LMX1B: variants seen among roughly 807,000 people sequenced by gnomAD.
LMX1B encodes LIM homeobox transcription factor 1-beta.
A neutral mutation model predicts 51.4 loss-of-function variants in LMX1B; 12 were observed. That is an observed-to-expected ratio of 0.23 (90% CI 0.15 to 0.38). LMX1B has a LOEUF of 0.38. Ranked by LOEUF, LMX1B falls within the 10% of genes least tolerant of loss-of-function variation. LMX1B has a pLI of 1.00. For synonymous variants in LMX1B, 237 were observed against 235.4 expected, an observed-to-expected ratio of 1.01 and a Z score of -0.06; for missense variants, 445 against 571.1, an observed-to-expected ratio of 0.78 and a Z score of 2.25.
intron 2 of LMX1B, among the ~76,000 whole-genome samples, chr9:126,628,227 G>C (rs1835569500): frequency 6.6e-6 from 1 of 152,176 alleles, no homozygotes; most frequent in South Asian, 2.1e-4. Context: ...GGGACTCAGA[G>C]GGCCAGTGGG....
Position 126,615,405 on chromosome 9 carries a change from C to T in LMX1B, c.162C>T (p.Ala54=), listed in dbSNP as rs751836316. 3.7e-6 allele frequency: 6 copies of T among 1,604,468 alleles called. No homozygotes were observed. The highest frequency in any genetic ancestry group is 1.7e-5 in the Admixed American group (1 of 59,354). Residue 54 remains alanine (A), a synonymous_variant, in exon 2 of 8, where the codon GCC becomes GCT. Transcript: ENST00000373474. This position sits in a 1 kb window ranked among gnomAD's most constrained non-coding sequence, Gnocchi z 6.0. Reference sequence around the variant, plus strand: ...CAGGCTCCGACTGCCCGCATCCCGCCGTCTGCGAGGGCTGCCAGCGGCCCA... The same window carrying T: ...CAGGCTCCGACTGCCCGCATCCCGCTGTCTGCGAGGGCTGCCAGCGGCCCA... ...VLLGSDCPHP[A]VCEGCQRPIS...
At chr9:126,661,935 T>C (rs1477503428) in intron 2 of LMX1B, among the ~76,000 whole-genome samples, 3 of 152,132 alleles carry the variant, frequency 2.0e-5, no homozygotes, top group African/African-American at 7.2e-5. Context: ...CCAGGGAAAT[T>C]ACCTAATGAA....
At chr9:126,645,471 G>T (rs987254210) in intron 2 of LMX1B, among the ~76,000 whole-genome samples, 3 of 152,202 alleles carry the variant, frequency 2.0e-5, no homozygotes, top group African/African-American at 7.2e-5. Flanking sequence ...TCTTGCAAGG[G>T]ACATCGTTCC....
chr9:126,696,201 C>A, intron 7 of LMX1B, 93 bp from the exon 8 acceptor site: 1 of 1,332,308 alleles, frequency 7.5e-7, no homozygotes. Flanking sequence ...CCTGTCTCTC[C>A]CTGGCCTCCA....
intron 2 of LMX1B, among the ~76,000 whole-genome samples, chr9:126,616,806 G>GC (rs1835311041): frequency 6.6e-6 from 1 of 152,216 alleles, no homozygotes; most frequent in Non-Finnish European, 1.5e-5. Flanking sequence ...AACAGTGCAG[G>GC]CCAGAGCCCT....
intron 2 of LMX1B, among the ~76,000 whole-genome samples, chr9:126,634,806 G>C (rs1178039260): frequency 6.6e-6 from 1 of 152,172 alleles, no homozygotes; most frequent in South Asian, 2.1e-4. Flanking sequence ...AGGTGGGAGA[G>C]CTTTTACCAG....
In LMX1B at chr9:126,693,129, G is replaced by A; in HGVS notation, c.560-13G>A. Reference sequence around the variant, plus strand: ...CCGCCCCTTCATCACAGGCCGGGTTGTGTCCCCCACAGTGAAGAGCGAGGA... The same window carrying A: ...CCGCCCCTTCATCACAGGCCGGGTTATGTCCCCCACAGTGAAGAGCGAGGA... On this transcript the variant is annotated splice_polypyrimidine_tract_variant and intron_variant, in intron 3 of 7. Transcript: ENST00000373474. 6.4e-7 allele frequency: 1 copy of A among 1,559,304 alleles called. No individual in the cohort carries two copies. Among genetic ancestry groups the A allele is most frequent in the East Asian group, 2.4e-5 (1 of 41,614 alleles).
At chr9:126,667,518 G>A (rs937694255) in intron 2 of LMX1B, among the ~76,000 whole-genome samples, 5 of 152,250 alleles carry the variant, frequency 3.3e-5, no homozygotes, top group African/African-American at 1.2e-4. Context: ...TGCCTTGGGG[G>A]CATCCACAGA....
At chr9:126,663,643 A>G (rs188352370) in intron 2 of LMX1B, among the ~76,000 whole-genome samples, 18 of 152,354 alleles carry the variant, frequency 1.2e-4, no homozygotes, top group Admixed American at 5.9e-4. Context: ...CCTAATGACT[A>G]TGCAGTAAAC....
chr9:126,615,683 G>A lies in LMX1B; in HGVS notation c.326+114G>A, dbSNP rs919888682. ...CGCCGGCTCTGTGCGCGGCTGGGCC[G>A]GGCAGCTCCAAGGGTTCCGAGAGCT... On this transcript the variant is annotated intron_variant, in intron 2 of 7. Coordinates refer to ENST00000373474, the MANE Select transcript of LMX1B (RefSeq NM_001174147.2). This position sits in a 1 kb window ranked among gnomAD's most constrained non-coding sequence, Gnocchi z 6.0. 8.1e-6 allele frequency: 8 copies of A among 987,088 alleles called. No homozygotes were observed. Among genetic ancestry groups the A allele is most frequent in the Non-Finnish European group, 1.1e-5 (8 of 702,910 alleles). 61.1% of individuals were successfully genotyped at this position (987,088 alleles called of 1,614,324 possible).
At chr9:126,693,684 G>A (rs922797274) in intron 5 of LMX1B, 62 bp from the exon 6 acceptor site, 138 of 1,592,038 alleles carry the variant, frequency 8.7e-5, no homozygotes, top group Admixed American at 3.2e-4. Flanking sequence ...TCCAGGGGGC[G>A]TGGGGCTGGC....
In LMX1B at chr9:126,615,094, C is replaced by G. The variant is rs559683568; in HGVS notation, c.140-289C>G. On this transcript the variant is annotated intron_variant, in intron 1 of 7. Transcript: ENST00000373474. This position sits in a 1 kb window ranked among gnomAD's most constrained non-coding sequence, Gnocchi z 6.0. ...CCAGCCGGCCACCCTGCGCCGTGCT[C>G]GTTGTCATTTGTCTTAACACGGAGC... 6.6e-5 allele frequency among the ~76,000 whole-genome samples: 10 copies of G among 152,212 alleles called. No individual in the cohort carries two copies. In the East Asian group the frequency reaches 1.9e-3, roughly 30 times the overall value.
intron 2 of LMX1B, among the ~76,000 whole-genome samples, chr9:126,670,568 A>T (rs1379212119): frequency 1.3e-5 from 2 of 152,196 alleles, no homozygotes; most frequent in African/African-American, 4.8e-5. Flanking sequence ...ACGCTTGAGT[A>T]CACGTATGCA....
rs1413969781 is a variant in LMX1B at position 126,696,288 on chromosome 9, C to G, written c.1052-6C>G. 2 of 1,613,972 alleles carry G rather than the reference C, an allele frequency of 1.2e-6. No homozygotes were observed. Among genetic ancestry groups the G allele is most frequent in the South Asian group, 2.2e-5 (2 of 91,080 alleles). ...CCCCGGTCCTGACACCCCTTCTGCC[C>G]CCCAGGGAACGACTCCATCTTCCAT... is the stretch of plus-strand genomic sequence containing the variant. On this transcript the variant is annotated splice_region_variant and splice_polypyrimidine_tract_variant and intron_variant, in intron 7 of 7. Coordinates refer to ENST00000373474, the MANE Select transcript of LMX1B (RefSeq NM_001174147.2).
Position 126,700,518 on chromosome 9 carries a change from G to C in LMX1B, c.*4067G>C, listed in dbSNP as rs1157928683. The C allele has an allele frequency of 6.6e-6, 1 of 152,376 alleles. No individual in the cohort carries two copies. Among genetic ancestry groups the C allele is most frequent in the Non-Finnish European group, 1.5e-5 (1 of 68,148 alleles). The allele number at this position is 152,376 out of a possible 1,614,324, so 9.4% of individuals were successfully genotyped here. A position where few individuals can be genotyped will look rare whatever the true frequency, so the allele number is the denominator to read the frequency against. On this transcript the variant is annotated 3_prime_UTR_variant, in exon 8 of 8. Transcript: ENST00000373474. ...TCTGGGCACCACCTAGGGTGAGGGAGAGCCTGCAGCTCTGGGGCTAAGTCT... is the reference window on the plus strand; with the variant it reads ...TCTGGGCACCACCTAGGGTGAGGGACAGCCTGCAGCTCTGGGGCTAAGTCT...
Position 126,614,439 on chromosome 9 carries a change from C to A in LMX1B, c.-11C>A, listed in dbSNP as rs1229416637. ...CCCGGCCGGCGGGGTCCGCAGCGCG[C>A]CCCGCGTCCCATGGATATAGCAACA... On this transcript the variant is annotated 5_prime_UTR_variant, in exon 1 of 8. Coordinates refer to ENST00000373474, the MANE Select transcript of LMX1B (RefSeq NM_001174147.2). The A allele has an allele frequency of 1.3e-6, 2 of 1,491,790 alleles. No homozygotes were observed. The allele number at this position is 1,491,790 out of a possible 1,614,324, so 92.4% of individuals were successfully genotyped here.
chr9:126,662,249 T>G (rs1836260563), intron 2 of LMX1B, among the ~76,000 whole-genome samples: 2 of 152,152 alleles, frequency 1.3e-5, no homozygotes, highest in Non-Finnish European at 2.9e-5. Context: ...CTGTGCTGAT[T>G]AAGAGTAGTG....
intron 2 of LMX1B, among the ~76,000 whole-genome samples, chr9:126,642,010 T>C (rs1835817117): frequency 1.3e-5 from 2 of 151,994 alleles, no homozygotes; most frequent in African/African-American, 4.8e-5. Context: ...ATTCACAGCT[T>C]CCCCCAACAA....
At chr9:126,637,639 T>A (rs941051151) in intron 2 of LMX1B, among the ~76,000 whole-genome samples, 1 of 151,966 alleles carries the variant, frequency 6.6e-6, no homozygotes, top group Non-Finnish European at 1.5e-5. Flanking sequence ...GGGTGTGATG[T>A]ATGGATGTGG....
Sources: allele counts gnomAD v4.1 joint callset (sites outside exome capture counted in the v4.1 genomes callset), GRCh38; gene constraint gnomAD v4.1.1; non-coding constraint Gnocchi (gnomAD v3.1); transcripts MANE v1.5; gene names NCBI Gene and HGNC (gene_info 2026-07-23, HGNC 2026-07-21).